GSTO2: variants seen among roughly 807,000 people sequenced by gnomAD.
The protein encoded by GSTO2 is glutathione S-transferase omega 2.
Under a neutral mutation model 28.4 loss-of-function variants are expected in GSTO2, and 23 were observed. That is an observed-to-expected ratio of 0.81 (90% CI 0.58 to 1.15). GSTO2 has a LOEUF of 1.15. GSTO2 is among the 50% of genes most tolerant of loss of function. GSTO2 has a pLI of 0.00. For synonymous variants in GSTO2, 109 were observed against 111.0 expected, an observed-to-expected ratio of 0.98 and a Z score of 0.11; for missense variants, 298 against 297.8, an observed-to-expected ratio of 1.00 and a Z score of 0.00.
intron 5 of GSTO2, among the ~76,000 whole-genome samples, chr10:104,285,456 A>T (rs1046546312): frequency 6.6e-6 from 1 of 150,642 alleles, no homozygotes; most frequent in African/African-American, 2.4e-5. Context: ...TTATTATTAT[A>T]ATTATTTTTT....
intron 5 of GSTO2, among the ~76,000 whole-genome samples, chr10:104,280,165 C>CAAA (rs56803318): frequency 1.8e-4 from 10 of 57,036 alleles, no homozygotes; most frequent in Non-Finnish European, 2.4e-4. Flanking sequence ...GTAGGACTGA[C>CAAA]AAAAAAAAAA....
intron 5 of GSTO2, among the ~76,000 whole-genome samples, chr10:104,290,721 A>G (rs2012722958): frequency 6.6e-6 from 1 of 152,202 alleles, no homozygotes; most frequent in Non-Finnish European, 1.5e-5. Flanking sequence ...CACAGAGAGT[A>G]GAAGGATAGT....
rs375543595 is a variant in GSTO2, at chr10:104,299,308, G to C, written c.*24G>C. Reference sequence around the variant, plus strand: ...GAGTCTCACTGTCCACCCCTTCGCTGTCCAGAATTCCCCAGCTTGTTGGGA... The same window carrying C: ...GAGTCTCACTGTCCACCCCTTCGCTCTCCAGAATTCCCCAGCTTGTTGGGA... On this transcript the variant is annotated 3_prime_UTR_variant, in exon 7 of 7. Transcript: ENST00000338595. The C allele has an allele frequency of 6.2e-7, 1 of 1,613,010 alleles. No homozygotes were observed. The highest frequency in any genetic ancestry group is 8.5e-7 in the Non-Finnish European group (1 of 1,179,560).
Position 104,272,020 on chromosome 10 carries a change from A to T in GSTO2, c.-231-2665A>T, listed in dbSNP as rs1238200350. ...AGTCACAACGTGATATGTGAAAATT[A>T]TATGAAATTCACCAAGAGTGAGCCC... On this transcript the variant is annotated intron_variant, in intron 1 of 6. Coordinates refer to ENST00000338595, the MANE Select transcript of GSTO2 (RefSeq NM_183239.2). Among the ~76,000 whole-genome samples the T allele has an allele frequency of 2.6e-5, 4 of 152,376 alleles. No individual in the cohort carries two copies. In the East Asian group the frequency reaches 7.7e-4, roughly 29 times the overall value.
chr10:104,282,835 A>T (rs1389951201), intron 5 of GSTO2, among the ~76,000 whole-genome samples: 1 of 152,154 alleles, frequency 6.6e-6, no homozygotes, highest in Non-Finnish European at 1.5e-5. Context: ...TGTGGTGTTG[A>T]TGGGATATTC....
At chr10:104,285,736 A>G (rs771015725) in intron 5 of GSTO2, among the ~76,000 whole-genome samples, 15 of 152,090 alleles carry the variant, frequency 9.9e-5, no homozygotes, top group Non-Finnish European at 1.6e-4. Flanking sequence ...CCAAAGTGCT[A>G]TGATTACAGG....
chr10:104,284,219 A>T (rs949950368), intron 5 of GSTO2, among the ~76,000 whole-genome samples: 1 of 151,898 alleles, frequency 6.6e-6, no homozygotes, highest in Non-Finnish European at 1.5e-5. Context: ...AATTAGTTGG[A>T]TGTGGTGATG....
chr10:104,285,384 T>G (rs1468391729), intron 5 of GSTO2, among the ~76,000 whole-genome samples: 1 of 152,176 alleles, frequency 6.6e-6, no homozygotes, highest in African/African-American at 2.4e-5. Flanking sequence ...TACTTCCACC[T>G]CAGCCTCCCG....
In GSTO2 at chr10:104,299,699, A is replaced by G. The variant is rs2013203514; in HGVS notation, c.*415A>G. The stretch of plus-strand genomic sequence containing the variant: ...CACTATGTTGCTCAGGCTGGTCTCC[A>G]TCTCCTGGCCGCAAGCCATCCACCC... On this transcript the variant is annotated 3_prime_UTR_variant, in exon 7 of 7. Coordinates refer to ENST00000338595, the MANE Select transcript of GSTO2 (RefSeq NM_183239.2). The G allele has an allele frequency of 5.4e-6, 1 of 185,806 alleles. No individual in the cohort carries two copies. Among genetic ancestry groups the G allele is most frequent in the Non-Finnish European group, 1.1e-5 (1 of 90,024 alleles). The allele number at this position is 185,806 out of a possible 1,614,324, so 11.5% of individuals were successfully genotyped here.
chr10:104,275,210 C>T lies in GSTO2; in HGVS notation c.35-16C>T, dbSNP rs45450498. The stretch of plus-strand genomic sequence containing the variant: ...AGCCTCTCCTTTCCCTGTCCCCCTC[C>T]ATCGCTGCTCTGCAGGAAGCCAGCC... On this transcript the variant is annotated splice_polypyrimidine_tract_variant and intron_variant, in intron 2 of 6. Coordinates refer to ENST00000338595, the MANE Select transcript of GSTO2 (RefSeq NM_183239.2). 74 of 1,605,156 alleles carry T rather than the reference C, an allele frequency of 4.6e-5. No individual in the cohort carries two copies. In the African/African-American group the frequency reaches 9.6e-4, roughly 21 times the overall value.
chr10:104,280,035 G>A (rs2011927328), intron 5 of GSTO2, among the ~76,000 whole-genome samples: 1 of 151,838 alleles, frequency 6.6e-6, no homozygotes, highest in South Asian at 2.1e-4. Flanking sequence ...GCATAACGAT[G>A]TATACCTGTA....
In GSTO2 at chr10:104,293,563, A is replaced by ATTTTTTTTTTTTTTTTTTTTTTTTTTTTT. The variant is rs397787244; in HGVS notation, c.469-3993_469-3992insTTTTTTTTTTTTTTTTTTTTTTTTTTTTT. ...AGGCATGAGCCACTGCGCCTGGCCA[A>ATTTTTTTTTTTTTTTTTTTTTTTTTTTTT]TTTTTTTTTTTTTTTTTTTTTTGCG... On this transcript the variant is annotated intron_variant, in intron 5 of 6. Coordinates refer to ENST00000338595, the MANE Select transcript of GSTO2 (RefSeq NM_183239.2). 6.7e-4 allele frequency among the ~76,000 whole-genome samples: 55 copies of ATTTTTTTTTTTTTTTTTTTTTTTTTTTTT among 81,620 alleles called. 8 individuals carry two copies. Among genetic ancestry groups the ATTTTTTTTTTTTTTTTTTTTTTTTTTTTT allele is most frequent in the African/African-American group, 8.0e-4 (13 of 16,246 alleles). The allele number at this position is 81,620 out of a possible 152,430, so 53.5% of individuals were successfully genotyped here.
At chr10:104,298,580 C>G (rs2013149025) in intron 6 of GSTO2, among the ~76,000 whole-genome samples, 2 of 152,358 alleles carry the variant, frequency 1.3e-5, no homozygotes, top group South Asian at 4.1e-4. Context: ...TTCATATTAT[C>G]TTCAGCTTAT....
chr10:104,290,331 C>A (rs1015078544), intron 5 of GSTO2, among the ~76,000 whole-genome samples: 2 of 151,990 alleles, frequency 1.3e-5, no homozygotes, highest in African/African-American at 2.4e-5. Flanking sequence ...CATGGTGAAA[C>A]CCTGTCTCTA....
rs927418001 is a variant in GSTO2 at position 104,274,911 on chromosome 10, A to G, written c.-5A>G. 3 of 1,609,724 alleles carry G rather than the reference A, an allele frequency of 1.9e-6. No homozygotes were observed. The highest frequency in any genetic ancestry group is 2.5e-6 in the Non-Finnish European group (3 of 1,178,404). On this transcript the variant is annotated 5_prime_UTR_variant, in exon 2 of 7. Transcript: ENST00000338595. ...TCCGGGAGCTGCGCAAACCACCTGG[A>G]GACCATGTCTGGGGATGCGACCAGG...
rs1174786342 is a variant in GSTO2, at chr10:104,303,265, T to C, written c.*3981T>C. On this transcript the variant is annotated 3_prime_UTR_variant, in exon 7 of 7. Transcript: ENST00000338595. ...ATTTTCTAGAGACTGGTTGTATGGT[T>C]GTGACCAAAATGCCAGTAGTGATAT... The C allele has an allele frequency of 6.6e-6, 1 of 152,214 alleles. No individual in the cohort carries two copies. Among genetic ancestry groups the C allele is most frequent in the Non-Finnish European group, 1.5e-5 (1 of 68,034 alleles). The allele number at this position is 152,214 out of a possible 1,614,324, so 9.4% of individuals were successfully genotyped here. A position where few individuals can be genotyped will look rare whatever the true frequency, so the allele number is the denominator to read the frequency against.
intron 1 of GSTO2, among the ~76,000 whole-genome samples, chr10:104,270,270 C>T (rs1175665938): frequency 3.3e-5 from 5 of 152,228 alleles, no homozygotes; most frequent in African/African-American, 2.4e-5. Flanking sequence ...GCCTCAGCCT[C>T]CCAAATCGCT....
intron 5 of GSTO2, among the ~76,000 whole-genome samples, chr10:104,294,611 G>A (rs991817740): frequency 6.6e-6 from 1 of 152,198 alleles, no homozygotes; most frequent in African/African-American, 2.4e-5. Flanking sequence ...AATGCAAGTA[G>A]TTTTGATGTG....
At position 104,278,112 on chromosome 10, in the gene GSTO2, G is replaced by A. The variant is rs749092243; in HGVS notation, c.362G>A (p.Cys121Tyr). Residue 121 changes from cysteine to tyrosine, a missense_variant, in exon 4 of 7, where the codon TGT becomes TAT. Cys to Tyr is a radical substitution (Grantham distance 194). Transcript: ENST00000338595. ...ARQKMLLELFCKVPHLTKECL... is the reference protein window; with the variant it reads ...ARQKMLLELFYKVPHLTKECL... Reference sequence around the variant, plus strand: ...CAAAAGATGTTATTGGAGCTATTTTGTAAGGTATATTCAATTTAAAAAGTC... The same window carrying A: ...CAAAAGATGTTATTGGAGCTATTTTATAAGGTATATTCAATTTAAAAAGTC... The A allele has an allele frequency of 5.6e-6, 9 of 1,612,022 alleles. No individual in the cohort carries two copies. In the Middle Eastern group the frequency reaches 1.2e-3, roughly 215 times the overall value.
Sources: gnomAD v4.1 joint callset for allele counts (sites outside exome capture counted in the v4.1 genomes callset) on GRCh38, gnomAD v4.1.1 for gene constraint, MANE v1.5 for transcripts, NCBI Gene and HGNC (gene_info 2026-07-23, HGNC 2026-07-21) for gene names.